The following CEP83 variants were observed in gnomAD, a reference collection of about 807,000 sequenced individuals.
CEP83 encodes the protein centrosomal protein 83.
A neutral mutation model predicts 101.9 loss-of-function variants in CEP83; 70 were observed. That is an observed-to-expected ratio of 0.69 (90% CI 0.57 to 0.84). The LOEUF is 0.84. Ranked by LOEUF, CEP83 falls within the 40% of genes least tolerant of loss-of-function variation. The pLI, the probability that CEP83 is intolerant of heterozygous loss-of-function variation, is 0.00. For missense variants in CEP83, 715 were observed against 787.2 expected (o/e 0.91, Z 1.10); for synonymous variants, 264 against 267.9 (o/e 0.99, Z 0.14).
downstream of CEP83, chr12:94,305,349 T>C: frequency 1.1e-6 from 1 of 897,050 alleles, no homozygotes; most frequent in Non-Finnish European, 1.8e-6. Context: ...AAATGGCTGC[T>C]TGAGCTACTC....
intron 4 of CEP83, among the ~76,000 whole-genome samples, chr12:94,408,370 G>T (rs543215673): frequency 6.6e-6 from 1 of 152,160 alleles, no homozygotes; most frequent in East Asian, 1.9e-4. Flanking sequence ...ACTTTGATCT[G>T]AGCTTCCCAG....
chr12:94,430,699 T>G (rs1224231865), intron 2 of CEP83, among the ~76,000 whole-genome samples: 1 of 152,186 alleles, frequency 6.6e-6, no homozygotes, highest in Non-Finnish European at 1.5e-5. Context: ...GAAAACCTAC[T>G]TAATGAAATA....
At chr12:94,404,825 G>C (rs1029222096) in intron 4 of CEP83, among the ~76,000 whole-genome samples, 13 of 152,006 alleles carry the variant, frequency 8.6e-5, no homozygotes, top group Non-Finnish European at 1.6e-4. Flanking sequence ...AATAACTTAT[G>C]TACCCTTCCT....
intron 6 of CEP83, among the ~76,000 whole-genome samples, chr12:94,385,289 TG>T (rs1019109857): frequency 4.6e-5 from 7 of 152,152 alleles, no homozygotes; most frequent in Admixed American, 2.6e-4. Context: ...GGGCCAGATG[TG>T]GCCTCCATTG....
intron 14 of CEP83, among the ~76,000 whole-genome samples, chr12:94,318,597 T>TA (rs1234596049): frequency 6.6e-6 from 1 of 152,148 alleles, no homozygotes; most frequent in African/African-American, 2.4e-5. Context: ...CTTCAATACT[T>TA]AGTTTATTGA....
intron 6 of CEP83, among the ~76,000 whole-genome samples, chr12:94,391,528 CA>C (rs1369481496): frequency 6.6e-6 from 1 of 152,110 alleles, no homozygotes; most frequent in African/African-American, 2.4e-5. Context: ...AAAAACAGGC[CA>C]AATTGTAAAG....
intron 14 of CEP83, among the ~76,000 whole-genome samples, chr12:94,313,609 C>A (rs1052879923): frequency 1.3e-5 from 2 of 150,690 alleles, no homozygotes; most frequent in Admixed American, 6.6e-5. Flanking sequence ...GAGGCCGAGG[C>A]GGACAGATCA....
chr12:94,329,124 C>A (rs1040772823), intron 14 of CEP83, among the ~76,000 whole-genome samples: 1 of 152,156 alleles, frequency 6.6e-6, no homozygotes, highest in African/African-American at 2.4e-5. Context: ...AAATCACAAT[C>A]CATAGATCAC....
chr12:94,301,144 T>C, the CEP83 span: 2 of 1,260,164 alleles, frequency 1.6e-6, no homozygotes, highest in Non-Finnish European at 1.1e-6. Context: ...TAATAAACAA[T>C]TGGTCTAAAC....
rs1328139212 is a variant in CEP83 at position 94,315,697 on chromosome 12, T to C, written c.1708-2680A>G. ...CAAGTTTTCATCTAGAAGCTTTATT[T>C]TTTTTTTTTACCTATCACACTTAGG... On this transcript the variant is annotated intron_variant, in intron 14 of 16. Coordinates refer to ENST00000397809, the MANE Select transcript of CEP83 (RefSeq NM_016122.3). Among the ~76,000 whole-genome samples the C allele has an allele frequency of 2.0e-5, 3 of 152,026 alleles. No individual in the cohort carries two copies. The East Asian group carries it at 5.8e-4, about 29-fold the overall frequency.
At chr12:94,338,214 T>C (rs1156344208) in intron 11 of CEP83, among the ~76,000 whole-genome samples, 1 of 152,052 alleles carries the variant, frequency 6.6e-6, no homozygotes, top group African/African-American at 2.4e-5. Flanking sequence ...GGCTAAGGTG[T>C]TGGGTAGTTC....
chr12:94,396,213 C>G (rs2062881376), intron 6 of CEP83, among the ~76,000 whole-genome samples: 2 of 150,716 alleles, frequency 1.3e-5, no homozygotes, highest in South Asian at 4.2e-4. Context: ...ATATATGCAA[C>G]TTCAGCATTT....
chr12:94,407,001 A>G (rs2063582393), intron 4 of CEP83, among the ~76,000 whole-genome samples: 1 of 152,076 alleles, frequency 6.6e-6, no homozygotes, highest in Non-Finnish European at 1.5e-5. Context: ...ATTACACTGC[A>G]TGGAATTAAT....
the CEP83 span, among the ~76,000 whole-genome samples, chr12:94,269,912 A>T: frequency 6.6e-6 from 1 of 152,230 alleles, no homozygotes; most frequent in Non-Finnish European, 1.5e-5. Flanking sequence ...AAGTCATGGA[A>T]AATGAAAAAT....
chr12:94,300,937 C>T, the CEP83 span: 4 of 1,613,022 alleles, frequency 2.5e-6, no homozygotes, highest in African/African-American at 2.7e-5. Context: ...GGGTAAACAT[C>T]CTGAAGAACC....
intron 1 of CEP83, among the ~76,000 whole-genome samples, chr12:94,438,289 T>G (rs1443662930): frequency 6.6e-6 from 1 of 151,324 alleles, no homozygotes; most frequent in African/African-American, 2.4e-5. Context: ...ATCTGCTGCC[T>G]TCAAGAGACT....
chr12:94,282,392 C>T, the CEP83 span: 3 of 1,606,372 alleles, frequency 1.9e-6, no homozygotes, highest in African/African-American at 1.3e-5. Flanking sequence ...ACACCATTGG[C>T]CACTATGAGG....
chr12:94,394,923 T>C (rs2062787692), intron 6 of CEP83, among the ~76,000 whole-genome samples: 1 of 152,196 alleles, frequency 6.6e-6, no homozygotes, highest in South Asian at 2.1e-4. Flanking sequence ...CACAATGAGA[T>C]ACCATCTCAC....
At chr12:94,288,273 C>T in the CEP83 span, among the ~76,000 whole-genome samples, 2 of 152,192 alleles carry the variant, frequency 1.3e-5, no homozygotes, top group African/African-American at 4.8e-5. Flanking sequence ...TTTTGGCCAG[C>T]AGTCCGTGAA....
Sources: gnomAD v4.1 joint callset for allele counts (sites outside exome capture counted in the v4.1 genomes callset) on GRCh38, gnomAD v4.1.1 for gene constraint, MANE v1.5 for transcripts, NCBI Gene and HGNC (gene_info 2026-07-23, HGNC 2026-07-21) for gene names.